The following LUZP2 variants were observed in gnomAD, a reference collection of about 807,000 sequenced individuals.
LUZP2 encodes the protein leucine zipper protein 2.
Under a neutral mutation model 51.6 loss-of-function variants are expected in LUZP2, and 52 were observed. The ratio of observed to expected loss-of-function variants is 1.01; its 90% CI spans 0.81 to 1.27. The LOEUF is 1.27. LUZP2 is among the 50% of genes most tolerant of loss of function. LUZP2 has a pLI of 0.00. For synonymous variants in LUZP2, 154 were observed against 137.3 expected (o/e 1.12, Z -0.85); for missense variants, 436 against 395.4 (o/e 1.10, Z -0.87).
At chr11:24,817,918 A>T (rs1315517529) in intron 5 of LUZP2, among the ~76,000 whole-genome samples, 1 of 152,072 alleles carries the variant, frequency 6.6e-6, no homozygotes, top group Admixed American at 6.6e-5. Context: ...ATTTTTGCAA[A>T]TATGTAGATA....
At chr11:24,714,018 G>T (rs968039134) in intron 1 of LUZP2, among the ~76,000 whole-genome samples, 2 of 151,396 alleles carry the variant, frequency 1.3e-5, no homozygotes, top group Admixed American at 1.3e-4. Context: ...TTTAAAAAAA[G>T]AAGAAAAAAA....
intron 1 of LUZP2, among the ~76,000 whole-genome samples, chr11:24,533,168 C>G (rs1024364337): frequency 6.6e-6 from 1 of 151,118 alleles, no homozygotes; most frequent in Non-Finnish European, 1.5e-5. Flanking sequence ...TTGGATACCC[C>G]CTCCCTCACA....
chr11:24,673,290 G>A (rs978254250), intron 1 of LUZP2, among the ~76,000 whole-genome samples: 1 of 152,056 alleles, frequency 6.6e-6, no homozygotes, highest in Admixed American at 6.6e-5. Flanking sequence ...GTTATATCTG[G>A]TCTCTTGTTG....
chr11:25,016,523 T>C (rs765620446), intron 9 of LUZP2, among the ~76,000 whole-genome samples: 3 of 152,098 alleles, frequency 2.0e-5, no homozygotes, highest in Non-Finnish European at 2.9e-5. Flanking sequence ...ATGGTATATA[T>C]ACATATATAT....
At chr11:24,760,669 A>G (rs182600587) in intron 4 of LUZP2, among the ~76,000 whole-genome samples, 264 of 152,296 alleles carry the variant, frequency 1.7e-3, no homozygotes, top group African/African-American at 6.0e-3. Flanking sequence ...CTGAAAGAAA[A>G]AAGTGTTAAC....
At chr11:24,743,083 T>A (rs1859245580) in intron 4 of LUZP2, among the ~76,000 whole-genome samples, 1 of 152,132 alleles carries the variant, frequency 6.6e-6, no homozygotes, top group African/African-American at 2.4e-5. Flanking sequence ...CTATGCTGTT[T>A]TTGTGACTAT....
chr11:24,977,990 A>T (rs1855926972), intron 8 of LUZP2, among the ~76,000 whole-genome samples: 1 of 151,598 alleles, frequency 6.6e-6, no homozygotes, highest in Non-Finnish European at 1.5e-5. Context: ...AGCAAGTAAG[A>T]TGATTGCAAT....
At chr11:24,522,126 G>A (rs189261267) in intron 1 of LUZP2, among the ~76,000 whole-genome samples, 1 of 152,192 alleles carries the variant, frequency 6.6e-6, no homozygotes, top group Admixed American at 6.5e-5. Context: ...CTTAAATAAA[G>A]TGCTATGGTA....
At chr11:24,820,156 AG>A (rs1850314543) in intron 5 of LUZP2, among the ~76,000 whole-genome samples, 1 of 152,168 alleles carries the variant, frequency 6.6e-6, no homozygotes, top group African/African-American at 2.4e-5. Flanking sequence ...TTGTTATAAT[AG>A]GTGAACGCAT....
At chr11:24,816,359 A>G (rs953341738) in intron 5 of LUZP2, among the ~76,000 whole-genome samples, 1 of 152,158 alleles carries the variant, frequency 6.6e-6, no homozygotes, top group African/African-American at 2.4e-5. Context: ...ATAGCAATGC[A>G]TGATAAATTA....
In LUZP2 at chr11:24,636,370, C is replaced by T. The variant is rs545237391; in HGVS notation, c.63-92799C>T. Among the ~76,000 whole-genome samples, 3 of 152,180 alleles carry T rather than the reference C, an allele frequency of 2.0e-5. No homozygotes were observed. In the East Asian group the frequency reaches 5.8e-4, roughly 29 times the overall value. ...CTGGAGCTAAGGCATAGATAGCATG[C>T]TTACTTATAATACAGGGGTTAAGAG... On this transcript the variant is annotated intron_variant, in intron 1 of 11. Coordinates refer to ENST00000336930, the MANE Select transcript of LUZP2 (RefSeq NM_001009909.4).
chr11:25,036,230 G>A (rs6416041), intron 9 of LUZP2, among the ~76,000 whole-genome samples: 151,933 of 152,246 alleles, frequency 1, 75,810 homozygotes, highest in Middle Eastern at 1. Flanking sequence ...AAATATATCA[G>A]TTTCTTCTAT....
intron 1 of LUZP2, among the ~76,000 whole-genome samples, chr11:24,505,283 G>A (rs779545158): frequency 1.1e-4 from 16 of 152,058 alleles, no homozygotes; most frequent in Non-Finnish European, 1.2e-4. Context: ...AAATGGAGTC[G>A]GGGAGTTTAG....
chr11:24,910,626 T>C (rs752468607), intron 6 of LUZP2, among the ~76,000 whole-genome samples: 3 of 152,230 alleles, frequency 2.0e-5, no homozygotes, highest in Non-Finnish European at 4.4e-5. Context: ...AAGTCAAGAA[T>C]TGAGGTTTGG....
At chr11:24,705,677 C>T (rs560867332) in intron 1 of LUZP2, among the ~76,000 whole-genome samples, 1 of 152,182 alleles carries the variant, frequency 6.6e-6, no homozygotes, top group African/African-American at 2.4e-5. Context: ...CAAATGACCT[C>T]TGCTAGTTGG....
chr11:25,015,630 T>C (rs4086075), intron 9 of LUZP2, among the ~76,000 whole-genome samples: 71,826 of 151,870 alleles, frequency 0.47, 17,469 homozygotes, highest in Non-Finnish European at 0.51. Flanking sequence ...TGGACTGGAG[T>C]TACAGATTTT....
At chr11:24,580,107 G>A (rs904812715) in intron 1 of LUZP2, among the ~76,000 whole-genome samples, 9 of 151,976 alleles carry the variant, frequency 5.9e-5, no homozygotes, top group Non-Finnish European at 2.9e-5. Context: ...GCTATTTTCT[G>A]TTTAATAGGA....
At chr11:24,786,222 A>C (rs1849241508) in intron 5 of LUZP2, 1 of 966,332 alleles carries the variant, frequency 1.0e-6, no homozygotes, top group Non-Finnish European at 1.2e-6. Flanking sequence ...TTTTAGGTTA[A>C]CTTAATTTCC....
At chr11:24,945,528 T>C (rs994200330) in intron 7 of LUZP2, among the ~76,000 whole-genome samples, 1 of 152,006 alleles carries the variant, frequency 6.6e-6, no homozygotes, top group African/African-American at 2.4e-5. Flanking sequence ...TTTTTTTTTT[T>C]TTTTCCAGTC....
Sources: allele counts gnomAD v4.1 joint callset (sites outside exome capture counted in the v4.1 genomes callset), GRCh38; gene constraint gnomAD v4.1.1; transcripts MANE v1.5; gene names NCBI Gene and HGNC (gene_info 2026-07-23, HGNC 2026-07-21).